The following BCAT1 variants were observed in gnomAD, a reference collection of about 807,000 sequenced individuals.
The protein encoded by BCAT1 is branched-chain-amino-acid aminotransferase, cytosolic.
A neutral mutation model predicts 52.4 loss-of-function variants in BCAT1; 48 were observed. The observed-to-expected ratio is 0.92, with a 90% CI of 0.73 to 1.16. The LOEUF is 1.16. Ranked by LOEUF, BCAT1 falls within the 50% of genes most tolerant of loss-of-function variation. BCAT1 has a pLI of 0.00. For synonymous variants in BCAT1, 167 were observed against 161.3 expected (o/e 1.04, Z -0.27); for missense variants, 451 against 457.1 (o/e 0.99, Z 0.12).
At chr12:24,870,784 T>G (rs2139560455) in intron 5 of BCAT1, among the ~76,000 whole-genome samples, 1 of 152,204 alleles carries the variant, frequency 6.6e-6, no homozygotes, top group African/African-American at 2.4e-5. Flanking sequence ...TTCCAGCACT[T>G]TGGGAGGTCA....
rs996235838 is a variant in BCAT1 at position 24,818,249 on chromosome 12, T to C, written c.1120-200A>G. Among the ~76,000 whole-genome samples, 5 of 152,122 alleles carry C rather than the reference T, an allele frequency of 3.3e-5. 1 individual carries two copies. Among genetic ancestry groups the C allele is most frequent in the Admixed American group, 3.3e-4 (5 of 15,256 alleles). ...GAGGGACACCATATAAAACATAAGA[T>C]AAAAGCATACATAGGGAGTTTTTTA... On this transcript the variant is annotated intron_variant, in intron 10 of 10. Coordinates refer to ENST00000261192, the MANE Select transcript of BCAT1 (RefSeq NM_005504.7).
chr12:24,920,461 T>A (rs1196627754), intron 1 of BCAT1, among the ~76,000 whole-genome samples: 1 of 152,196 alleles, frequency 6.6e-6, no homozygotes, highest in African/African-American at 2.4e-5. Context: ...CATTTTTTAT[T>A]TTTGGGGTAG....
At chr12:24,926,065 G>A (rs1411456148) in intron 1 of BCAT1, among the ~76,000 whole-genome samples, 2 of 152,174 alleles carry the variant, frequency 1.3e-5, no homozygotes, top group African/African-American at 2.4e-5. Flanking sequence ...TCTGGGATGT[G>A]AGGAGCCCCT....
chr12:24,820,987 T>G (rs1009074808), intron 10 of BCAT1, among the ~76,000 whole-genome samples: 4 of 152,208 alleles, frequency 2.6e-5, no homozygotes, highest in Non-Finnish European at 5.9e-5. Flanking sequence ...TGCAAAGCTT[T>G]GTAATCCTGT....
At chr12:24,891,242 C>T (rs183500146) in intron 3 of BCAT1, among the ~76,000 whole-genome samples, 40 of 152,190 alleles carry the variant, frequency 2.6e-4, no homozygotes, top group Admixed American at 2.0e-3. Context: ...CAAGTAATGC[C>T]GGAAGAGCCT....
chr12:24,887,067 A>AAAAAAAAAT (rs1942688845), intron 3 of BCAT1, among the ~76,000 whole-genome samples: 4 of 66,152 alleles, frequency 6.0e-5, no homozygotes, highest in Admixed American at 1.5e-4. Context: ...TAGCTAAAAA[A>AAAAAAAAAT]AAAAAAAAAA....
chr12:24,828,744 G>A (rs566807670), intron 10 of BCAT1, among the ~76,000 whole-genome samples: 2 of 151,794 alleles, frequency 1.3e-5, no homozygotes, highest in South Asian at 2.1e-4. Context: ...GGTGGCTCAC[G>A]GCTGTAATCC....
intron 8 of BCAT1, 95 bp from the exon 9 acceptor site, chr12:24,832,958 A>T: frequency 7.7e-7 from 1 of 1,294,276 alleles, no homozygotes; most frequent in Non-Finnish European, 1.1e-6. Context: ...TTCTGATTGC[A>T]CTTAGACAAG....
At chr12:24,941,174 T>C (rs552961378) in intron 1 of BCAT1, among the ~76,000 whole-genome samples, 1 of 152,314 alleles carries the variant, frequency 6.6e-6, no homozygotes, top group Non-Finnish European at 1.5e-5. Context: ...TGGTGTTCAG[T>C]TTATATTCCT....
intron 5 of BCAT1, among the ~76,000 whole-genome samples, chr12:24,855,277 A>G (rs1941640089): frequency 6.7e-6 from 1 of 150,292 alleles, no homozygotes; most frequent in Non-Finnish European, 1.5e-5. Context: ...CATACTGGCT[A>G]TGAGGTAGCC....
intron 4 of BCAT1, among the ~76,000 whole-genome samples, chr12:24,880,383 G>A (rs1000008223): frequency 6.6e-6 from 1 of 152,148 alleles, no homozygotes; most frequent in Non-Finnish European, 1.5e-5. Flanking sequence ...CTTGAACCCC[G>A]GAGGTGGAGG....
intron 5 of BCAT1, among the ~76,000 whole-genome samples, chr12:24,857,466 T>C (rs535751816): frequency 1.6e-4 from 23 of 148,042 alleles, no homozygotes; most frequent in African/African-American, 5.9e-4. Flanking sequence ...TAATTAAAAG[T>C]GATGTCCAAG....
At chr12:24,930,582 A>T (rs1943661788) in intron 1 of BCAT1, among the ~76,000 whole-genome samples, 1 of 152,066 alleles carries the variant, frequency 6.6e-6, no homozygotes, top group Non-Finnish European at 1.5e-5. Context: ...AGCATTTCTC[A>T]CTTAATTTTT....
chr12:24,891,451 C>T (rs1942835157), intron 3 of BCAT1, among the ~76,000 whole-genome samples: 1 of 152,208 alleles, frequency 6.6e-6, no homozygotes, highest in African/African-American at 2.4e-5. Context: ...GCAAAAACCA[C>T]TTAGCCATCC....
At chr12:24,899,479 C>CAA (rs142117063) in intron 2 of BCAT1, among the ~76,000 whole-genome samples, 15 of 144,356 alleles carry the variant, frequency 1.0e-4, no homozygotes, top group African/African-American at 1.8e-4. Flanking sequence ...TGAAGCTTTC[C>CAA]AAAAAAAAAA....
In BCAT1 at chr12:24,878,547, T is replaced by C. The variant is rs760467109; in HGVS notation, c.493A>G (p.Thr165Ala). 6.2e-7 allele frequency: 1 copy of C among 1,610,848 alleles called. No homozygotes were observed. The highest frequency in any genetic ancestry group is 1.1e-5 in the South Asian group (1 of 90,362). The change falls in exon 5 of 11, where the codon ACA becomes GCA. Residue 165 changes from threonine (T) to alanine (A), a missense_variant. Coordinates refer to ENST00000261192, the MANE Select transcript of BCAT1 (RefSeq NM_005504.7). ...GTTTGCACCTCAGTTCCAATGAATG[T>C]AGGACGAATATACAGACTAGCAGAT... is the stretch of plus-strand genomic sequence containing the variant. ...STSASLYIRP[T>A]FIGTEPSLGV...
At chr12:24,836,946 GAA>G (rs71450747) in intron 7 of BCAT1, among the ~76,000 whole-genome samples, 1 of 99,388 alleles carries the variant, frequency 1.0e-5, no homozygotes, top group Non-Finnish European at 2.3e-5. Flanking sequence ...AAGAAAGAAA[GAA>G]AGAAAGAAAA....
chr12:24,810,215 C>T lies in BCAT1; in HGVS notation c.*7793G>A, dbSNP rs766324591. On this transcript the variant is annotated 3_prime_UTR_variant, in exon 11 of 11. Transcript: ENST00000261192. ...TAGGAAGCATCTACACCTCAGCTGTCGGCCGTTTGGTTACAGAAATGCGAT... is the reference window on the plus strand; with the variant it reads ...TAGGAAGCATCTACACCTCAGCTGTTGGCCGTTTGGTTACAGAAATGCGAT... 6 of 152,104 alleles carry T rather than the reference C, an allele frequency of 3.9e-5. No individual in the cohort carries two copies. Among genetic ancestry groups the T allele is most frequent in the Non-Finnish European group, 7.4e-5 (5 of 68,010 alleles). The allele number at this position is 152,104 out of a possible 1,614,324, so 9.4% of individuals were successfully genotyped here. A position where few individuals can be genotyped will look rare whatever the true frequency, so the allele number is the denominator to read the frequency against.
intron 5 of BCAT1, among the ~76,000 whole-genome samples, chr12:24,850,894 T>G (rs1184266406): frequency 6.6e-6 from 1 of 152,210 alleles, no homozygotes; most frequent in Non-Finnish European, 1.5e-5. Flanking sequence ...AGCTGAAGTT[T>G]TTTTATTTAA....
Sources: gnomAD v4.1 joint callset for allele counts (sites outside exome capture counted in the v4.1 genomes callset) on GRCh38, gnomAD v4.1.1 for gene constraint, MANE v1.5 for transcripts, NCBI Gene and HGNC (gene_info 2026-07-23, HGNC 2026-07-21) for gene names.